Variants in MB21D2 observed in about 807,000 individuals in gnomAD.
MB21D2 encodes the protein Mab-21 domain containing 2.
Under a neutral mutation model 33.3 loss-of-function variants are expected in MB21D2, and 9 were observed. The ratio of observed to expected loss-of-function variants is 0.27; its 90% confidence interval spans 0.16 to 0.47. MB21D2 has a LOEUF of 0.47. Among genes scored for constraint, MB21D2 ranks in the 20% least tolerant of loss-of-function variants. MB21D2 has a pLI of 0.99. For synonymous variants in MB21D2, 241 were observed against 236.3 expected, an observed-to-expected ratio of 1.02 and a Z score of -0.18; for missense variants, 540 against 624.6, an observed-to-expected ratio of 0.86 and a Z score of 1.44.
chr3:192,891,893 G>A (rs1427815373), intron 1 of MB21D2, among the ~76,000 whole-genome samples: 1 of 152,042 alleles, frequency 6.6e-6, no homozygotes, highest in East Asian at 1.9e-4. Flanking sequence ...AAAAGGCAAA[G>A]TTTTAACAAA....
At chr3:192,853,648 GT>G (rs75204492) in intron 1 of MB21D2, among the ~76,000 whole-genome samples, 5,619 of 145,840 alleles carry the variant, frequency 0.039, 135 homozygotes, top group Non-Finnish European at 0.045. Context: ...TTGGTGTTTT[GT>G]TTTTTTTTTT....
At chr3:192,882,344 G>C (rs1713616603) in intron 1 of MB21D2, among the ~76,000 whole-genome samples, 1 of 150,650 alleles carries the variant, frequency 6.6e-6, no homozygotes, top group Non-Finnish European at 1.5e-5. Context: ...CAAAGTGCTG[G>C]GATTACAGGC....
intron 1 of MB21D2, among the ~76,000 whole-genome samples, chr3:192,862,464 C>T (rs1234751960): frequency 1.3e-5 from 2 of 152,158 alleles, no homozygotes; most frequent in Non-Finnish European, 2.9e-5. Flanking sequence ...ACAAATTTGC[C>T]TCTAGAAGAA....
intron 1 of MB21D2, among the ~76,000 whole-genome samples, chr3:192,847,360 A>C (rs1253407824): frequency 6.6e-6 from 1 of 152,118 alleles, no homozygotes; most frequent in African/African-American, 2.4e-5. Context: ...CCCTAAAAAC[A>C]ACCAGAGACA....
At chr3:192,850,122 G>T (rs1206401459) in intron 1 of MB21D2, among the ~76,000 whole-genome samples, 1 of 152,050 alleles carries the variant, frequency 6.6e-6, no homozygotes, top group Non-Finnish European at 1.5e-5. Context: ...GTTTCACCAT[G>T]TTGGCCAGGC....
intron 1 of MB21D2, among the ~76,000 whole-genome samples, chr3:192,893,072 G>T (rs1560253034): frequency 6.6e-6 from 1 of 152,112 alleles, no homozygotes; most frequent in Non-Finnish European, 1.5e-5. Context: ...CTTCCAAGAC[G>T]CAGTTACATT....
rs1577164705 is a variant in MB21D2, at chr3:192,799,088, C to A, written c.774G>T (p.Trp258Cys). The A allele has an allele frequency of 6.2e-7, 1 of 1,614,042 alleles. No individual in the cohort carries two copies. The highest frequency in any genetic ancestry group is 8.5e-7 in the Non-Finnish European group (1 of 1,179,976). The change falls in exon 2 of 2, where the codon TGG (tryptophan) becomes TGT (cysteine). Residue 258 changes from tryptophan (W) to cysteine (C), a missense_variant. Trp to Cys is a radical substitution (Grantham distance 215). Coordinates refer to ENST00000392452, the MANE Select transcript of MB21D2 (RefSeq NM_178496.4). The surrounding 1 kb of genome is among the most constrained non-coding windows in gnomAD (Gnocchi z 4.1). ...CCTCTTCCTCAGTAATCTTCCCATCCCAAAAGTGGTTCTCCATGAGCCAGC... is the reference window on the plus strand; with the variant it reads ...CCTCTTCCTCAGTAATCTTCCCATCACAAAAGTGGTTCTCCATGAGCCAGC... ...AQSWLMENHF[W>C]DGKITEEEVI...
chr3:192,837,252 T>C (rs1712460829), intron 1 of MB21D2, among the ~76,000 whole-genome samples: 1 of 152,174 alleles, frequency 6.6e-6, no homozygotes, highest in Non-Finnish European at 1.5e-5. Context: ...AGGTTTTCTT[T>C]CCCAAAGGGG....
intron 1 of MB21D2, among the ~76,000 whole-genome samples, chr3:192,876,360 C>T (rs968310107): frequency 1.3e-5 from 2 of 152,204 alleles, no homozygotes; most frequent in Admixed American, 1.3e-4. Flanking sequence ...CAACTCTGCT[C>T]ACTTTGCCTT....
At chr3:192,811,419 T>C (rs1286869681) in intron 1 of MB21D2, among the ~76,000 whole-genome samples, 1 of 152,112 alleles carries the variant, frequency 6.6e-6, no homozygotes. Flanking sequence ...TAATTCTTGA[T>C]GACATTACAT....
rs536875551 is a variant in MB21D2, at chr3:192,894,324, C to T, written c.211+23306G>A. On this transcript the variant is annotated intron_variant, in intron 1 of 1. Coordinates refer to ENST00000392452, the MANE Select transcript of MB21D2 (RefSeq NM_178496.4). ...TTTTGTATTTTTAATAGAGACGAGG[C>T]TTCACCATGTTGGACAGGCTGGTTT... Among the ~76,000 whole-genome samples the T allele has an allele frequency of 9.3e-4, 142 of 152,012 alleles. 3 individuals carry two copies. In the South Asian group the frequency reaches 0.016, roughly 18 times the overall value.
rs75146673 is a variant in MB21D2, at chr3:192,797,329, T to G, written c.*1057A>C. The stretch of plus-strand genomic sequence containing the variant: ...TAGAGATTTTACAAAAAAGCTTACC[T>G]CTATGACCCCAAAAGAAATAAATAC... On this transcript the variant is annotated 3_prime_UTR_variant, in exon 2 of 2. Coordinates refer to ENST00000392452, the MANE Select transcript of MB21D2 (RefSeq NM_178496.4). 4,944 of 152,716 alleles carry G rather than the reference T, an allele frequency of 0.032. 181 individuals carry two copies. Among genetic ancestry groups the G allele is most frequent in the East Asian group, 0.14 (715 of 5,174 alleles). The allele number at this position is 152,716 out of a possible 1,614,324, so 9.5% of individuals were successfully genotyped here. A position where few individuals can be genotyped will look rare whatever the true frequency, so the allele number is the denominator to read the frequency against.
chr3:192,803,728 C>T (rs1711600779), intron 1 of MB21D2, among the ~76,000 whole-genome samples: 1 of 152,174 alleles, frequency 6.6e-6, no homozygotes, highest in African/African-American at 2.4e-5. Context: ...CAACTGTACG[C>T]TTTGGCTGTA....
At chr3:192,808,856 C>T (rs1711723189) in intron 1 of MB21D2, among the ~76,000 whole-genome samples, 1 of 152,238 alleles carries the variant, frequency 6.6e-6, no homozygotes, top group African/African-American at 2.4e-5. Context: ...GCTGCTGTCA[C>T]ATCCTCCAGC....
intron 1 of MB21D2, among the ~76,000 whole-genome samples, chr3:192,899,039 A>G (rs1364801102): frequency 6.6e-6 from 1 of 152,256 alleles, no homozygotes; most frequent in African/African-American, 2.4e-5. Flanking sequence ...CAGGAAAAAG[A>G]GCACTGAGGC....
At chr3:192,806,689 G>A (rs911499780) in intron 1 of MB21D2, among the ~76,000 whole-genome samples, 3 of 152,056 alleles carry the variant, frequency 2.0e-5, no homozygotes, top group African/African-American at 7.2e-5. Context: ...CCGTAACCTA[G>A]GATTATGGAA....
chr3:192,913,888 T>A (rs1714407964), intron 1 of MB21D2, among the ~76,000 whole-genome samples: 1 of 152,172 alleles, frequency 6.6e-6, no homozygotes, highest in African/African-American at 2.4e-5. Flanking sequence ...AGACTGGGAA[T>A]GAAACTATAG....
intron 1 of MB21D2, among the ~76,000 whole-genome samples, chr3:192,898,072 T>C (rs1310797629): frequency 6.6e-6 from 1 of 152,138 alleles, no homozygotes; most frequent in East Asian, 1.9e-4. Context: ...CATGCAAATA[T>C]ACTACTACTT....
intron 1 of MB21D2, among the ~76,000 whole-genome samples, chr3:192,803,742 A>G (rs1423899942): frequency 6.6e-6 from 1 of 152,186 alleles, no homozygotes; most frequent in Non-Finnish European, 1.5e-5. Context: ...GGCTGTAGGG[A>G]TCAGTTCCAA....
Sources: allele counts gnomAD v4.1 joint callset (sites outside exome capture counted in the v4.1 genomes callset), GRCh38; gene constraint gnomAD v4.1.1; non-coding constraint Gnocchi (gnomAD v3.1); transcripts MANE v1.5; gene names NCBI Gene and HGNC (gene_info 2026-07-23, HGNC 2026-07-21).